GRIK2: variants seen among roughly 807,000 people sequenced by gnomAD.
The protein encoded by GRIK2 is glutamate receptor ionotropic, kainate 2.
In GRIK2, 32 loss-of-function variants were observed where a neutral mutation model predicts 100.3. The ratio of observed to expected loss-of-function variants is 0.32; its 90% confidence interval spans 0.24 to 0.43. The LOEUF (loss-of-function observed/expected upper bound fraction) is 0.43, where lower values mean the gene tolerates loss of function less well. Among genes scored for constraint, GRIK2 ranks in the 20% least tolerant of loss-of-function variants. The pLI is 1.00. For synonymous variants in GRIK2, 417 were observed against 389.4 expected (o/e 1.07, Z -0.83); for missense variants, 843 against 1,114.9 (o/e 0.76, Z 3.47).
At chr6:101,533,500 T>C (rs187207394) in intron 2 of GRIK2, among the ~76,000 whole-genome samples, 86 of 151,952 alleles carry the variant, frequency 5.7e-4, no homozygotes, top group Non-Finnish European at 9.3e-4. Context: ...TTTTCACACT[T>C]TGTTGTACCC....
rs1554292263 is a variant in GRIK2, at chr6:101,955,616, C to CTCTCTCTCTCT, written c.2085+26984_2085+26985insTCTCTCTCTCT. ...TCTCTCTCTCTCTCTCTCTCTCTCT[C>CTCTCTCTCTCT]CCCCCCATTTCTTTTACAGTCAGAT... On this transcript the variant is annotated intron_variant, in intron 14 of 16. Transcript: ENST00000369134. 3.9e-4 allele frequency among the ~76,000 whole-genome samples: 53 copies of CTCTCTCTCTCT among 135,382 alleles called. 1 individual carries two copies. Among genetic ancestry groups the CTCTCTCTCTCT allele is most frequent in the Non-Finnish European group, 6.1e-4 (39 of 64,184 alleles). 88.8% of individuals were successfully genotyped at this position (135,382 alleles called of 152,430 possible). A position where few individuals can be genotyped will look rare whatever the true frequency, so the allele number is the denominator to read the frequency against.
chr6:101,485,825 T>A (rs1156906944), intron 2 of GRIK2, among the ~76,000 whole-genome samples: 1 of 151,956 alleles, frequency 6.6e-6, no homozygotes, highest in Non-Finnish European at 1.5e-5. Flanking sequence ...CTATGATACA[T>A]GATCCAAAGG....
chr6:101,580,146 A>T (rs560474409), intron 2 of GRIK2, among the ~76,000 whole-genome samples: 1 of 152,232 alleles, frequency 6.6e-6, no homozygotes, highest in East Asian at 1.9e-4. Flanking sequence ...TTAGTATCTC[A>T]TCTCTGGCTA....
Position 101,402,528 on chromosome 6 carries a change from G to GGCTC in GRIK2, c.115+3137_115+3140dup, listed in dbSNP as rs150640140. On this transcript the variant is annotated intron_variant, in intron 2 of 16. Transcript: ENST00000369134. ...CACCGACCCTAGGGTGCTGCCCCGA[G>GGCTC]GCTCTATGGCAGCGACCTGAGGGTC... is the stretch of plus-strand genomic sequence containing the variant. Among the ~76,000 whole-genome samples the GGCTC allele has an allele frequency of 8.4e-3, 1,277 of 152,300 alleles. 18 individuals carry two copies. Among genetic ancestry groups the GGCTC allele is most frequent in the African/African-American group, 0.03 (1,229 of 41,574 alleles).
chr6:101,563,837 T>C (rs938293711), intron 2 of GRIK2, among the ~76,000 whole-genome samples: 2 of 152,162 alleles, frequency 1.3e-5, no homozygotes, highest in African/African-American at 4.8e-5. Flanking sequence ...CTTGTCTTTC[T>C]GATTTTAGCA....
chr6:101,760,680 TTAATTATATA>T lies in GRIK2; in HGVS notation c.952-38946_952-38937del, dbSNP rs1454524969. On this transcript the variant is annotated intron_variant, in intron 7 of 16. Coordinates refer to ENST00000369134, the MANE Select transcript of GRIK2 (RefSeq NM_021956.5). ...TGTTTAATTATATATAATTATATAT[TTAATTATATA>T]TAATTATATATAATTATATATTTAA... Among the ~76,000 whole-genome samples, 90 of 89,494 alleles carry T rather than the reference TTAATTATATA, an allele frequency of 1.0e-3. 1 individual carries two copies. The East Asian group carries it at 0.013, about 13-fold the overall frequency. 58.7% of individuals were successfully genotyped at this position (89,494 alleles called of 152,430 possible). A position where few individuals can be genotyped will look rare whatever the true frequency, so the allele number is the denominator to read the frequency against.
intron 2 of GRIK2, among the ~76,000 whole-genome samples, chr6:101,481,852 G>A (rs1250702961): frequency 6.6e-6 from 1 of 152,080 alleles, no homozygotes. Flanking sequence ...GAATCATAGA[G>A]GCAGTTTCCC....
chr6:101,846,684 C>G (rs1435494894), intron 10 of GRIK2, among the ~76,000 whole-genome samples: 3 of 151,752 alleles, frequency 2.0e-5, no homozygotes, highest in African/African-American at 4.8e-5. Flanking sequence ...GGTTCAATCT[C>G]TTTATTTTCT....
At chr6:101,458,701 G>A (rs1399964448) in intron 2 of GRIK2, among the ~76,000 whole-genome samples, 1 of 152,178 alleles carries the variant, frequency 6.6e-6, no homozygotes, top group Non-Finnish European at 1.5e-5. Context: ...TAGGACGGCA[G>A]CCTCTTCAGC....
chr6:101,810,922 G>A (rs957554419), intron 9 of GRIK2, among the ~76,000 whole-genome samples: 1 of 151,972 alleles, frequency 6.6e-6, no homozygotes, highest in African/African-American at 2.4e-5. Context: ...ATAGGTATAT[G>A]AGTTAATAGA....
At chr6:101,822,521 A>T (rs1210287295) in intron 10 of GRIK2, among the ~76,000 whole-genome samples, 1 of 152,102 alleles carries the variant, frequency 6.6e-6, no homozygotes, top group Non-Finnish European at 1.5e-5. Flanking sequence ...AAAGACCATT[A>T]TGACTGGTGC....
rs1374975431 is a variant in GRIK2 at position 101,928,534 on chromosome 6, C to T, written c.1987C>T (p.Arg663Cys). The change falls in exon 14 of 17, where the codon CGC becomes TGC. Residue 663 changes from arginine (R) to cysteine (C), a missense_variant. Physicochemically the swap from Arg to Cys is radical, Grantham distance 180. Around this residue, in one of 3 missense-constraint regions of GRIK2, gnomAD observed 237 missense variants for 388.0 expected, o/e 0.61. Coordinates refer to ENST00000369134, the MANE Select transcript of GRIK2 (RefSeq NM_021956.5). ...CTTAGCCGCCTTTCTGACAGTGGAA[C>T]GCATGGAATCCCCTATTGACTCTGC... ...ANLAAFLTVE[R>C]MESPIDSADD... is the part of the protein sequence containing the mutation. 3 of 1,602,064 alleles carry T rather than the reference C, an allele frequency of 1.9e-6. No homozygotes were observed. The highest frequency in any genetic ancestry group is 1.3e-5 in the African/African-American group (1 of 74,790).
intron 2 of GRIK2, among the ~76,000 whole-genome samples, chr6:101,454,435 G>T (rs1770881392): frequency 6.6e-6 from 1 of 152,094 alleles, no homozygotes; most frequent in Non-Finnish European, 1.5e-5. Context: ...CCCCTCCCAT[G>T]AGTATAGACA....
chr6:101,751,792 T>A (rs1583073129), intron 7 of GRIK2, among the ~76,000 whole-genome samples: 2 of 152,290 alleles, frequency 1.3e-5, no homozygotes, highest in South Asian at 2.1e-4. Flanking sequence ...ACACTTAACG[T>A]TGGATATGTT....
chr6:101,645,603 A>G (rs2128326241), intron 4 of GRIK2, among the ~76,000 whole-genome samples: 1 of 152,114 alleles, frequency 6.6e-6, no homozygotes, highest in East Asian at 1.9e-4. Context: ...CTAAAGCATA[A>G]TGTAATAATT....
chr6:101,558,587 G>A (rs922294753), intron 2 of GRIK2, among the ~76,000 whole-genome samples: 1 of 151,914 alleles, frequency 6.6e-6, no homozygotes, highest in Non-Finnish European at 1.5e-5. Context: ...GTGGGTGTAT[G>A]GTGGGAATTT....
chr6:101,430,611 A>G (rs1348940665), intron 2 of GRIK2: 1 of 162,896 alleles, frequency 6.1e-6, no homozygotes, highest in Admixed American at 6.3e-5. Context: ...GTGTCAGCAT[A>G]TAGGTCCTTG....
chr6:102,010,833 CT>C (rs1190118723), intron 14 of GRIK2, among the ~76,000 whole-genome samples: 1 of 151,402 alleles, frequency 6.6e-6, no homozygotes, highest in Non-Finnish European at 1.5e-5. Context: ...ATTTTATTTT[CT>C]TTCATGTGTT....
At chr6:101,848,734 T>C (rs921250565) in intron 10 of GRIK2, among the ~76,000 whole-genome samples, 1 of 152,048 alleles carries the variant, frequency 6.6e-6, no homozygotes. Context: ...CAAACACATA[T>C]ATTACTACTG....
Sources: allele counts gnomAD v4.1 joint callset (sites outside exome capture counted in the v4.1 genomes callset), GRCh38; gene constraint gnomAD v4.1.1; regional missense constraint gnomAD v4.1.1; transcripts MANE v1.5; gene names NCBI Gene and HGNC (gene_info 2026-07-23, HGNC 2026-07-21).